The following NIPBL variants were observed in gnomAD, a reference collection of about 807,000 sequenced individuals.
NIPBL encodes NIPBL cohesin loading factor, also known as nipped-B-like protein.
NIPBL carries 19 observed loss-of-function variants against 321.8 expected under a neutral mutation model. The ratio of observed to expected loss-of-function variants is 0.06; its 90% CI spans 0.04 to 0.09. NIPBL has a LOEUF of 0.09. NIPBL is among the 10% of genes least tolerant of loss of function. The probability of loss-of-function intolerance (pLI) is 1.00; values close to 1 mark genes in which losing one functional copy is unlikely to be tolerated. For missense variants in NIPBL, 2,210 were observed against 3,327.0 expected, an observed-to-expected ratio of 0.66 and a Z score of 8.26; for synonymous variants, 1,106 against 1,114.1, an observed-to-expected ratio of 0.99 and a Z score of 0.14.
chr5:37,040,509 C>T (rs572407589), intron 34 of NIPBL, among the ~76,000 whole-genome samples: 12 of 152,250 alleles, frequency 7.9e-5, no homozygotes, highest in Admixed American at 4.6e-4. Context: ...TTGGTAATCT[C>T]ACATTACCTG....
In NIPBL at chr5:36,985,044, G is replaced by A; in HGVS notation, c.1864G>A (p.Glu622Lys). Residue 622 changes from glutamate to lysine, a missense_variant, in exon 10 of 47, where the codon GAA becomes AAA. By Grantham distance (56) the Glu-to-Lys change is moderately conservative. Transcript: ENST00000282516. Reference sequence around the variant, plus strand: ...GAAACAAAGTGAAAGTAGATTAGCAGAATCTAAACCAAATGAAAACCGATT... The same window carrying A: ...GAAACAAAGTGAAAGTAGATTAGCAAAATCTAAACCAAATGAAAACCGATT... The part of the protein sequence containing the change: ...EMKQSESRLA[E>K]SKPNENRLVE... The A allele has an allele frequency of 6.2e-7, 1 of 1,613,852 alleles. No homozygotes were observed. Among genetic ancestry groups the A allele is most frequent in the Non-Finnish European group, 8.5e-7 (1 of 1,179,946 alleles).
At chr5:36,933,453 T>G (rs1749931963) in intron 1 of NIPBL, among the ~76,000 whole-genome samples, 1 of 152,162 alleles carries the variant, frequency 6.6e-6, no homozygotes, top group African/African-American at 2.4e-5. Flanking sequence ...TGCTGACATC[T>G]GATGAGATAT....
chr5:36,892,452 G>T (rs944479645), intron 1 of NIPBL, among the ~76,000 whole-genome samples: 1 of 152,140 alleles, frequency 6.6e-6, no homozygotes, highest in East Asian at 1.9e-4. Context: ...ATACCCAAAG[G>T]ATTATAAATC....
At chr5:36,894,585 C>T (rs971661593) in intron 1 of NIPBL, among the ~76,000 whole-genome samples, 3 of 152,110 alleles carry the variant, frequency 2.0e-5, no homozygotes, top group Non-Finnish European at 4.4e-5. Flanking sequence ...AAAACATTTA[C>T]CTCCTTTTTT....
At chr5:36,932,767 A>G (rs1749866379) in intron 1 of NIPBL, among the ~76,000 whole-genome samples, 1 of 135,414 alleles carries the variant, frequency 7.4e-6, no homozygotes, top group African/African-American at 2.9e-5. Flanking sequence ...TACTATTTAA[A>G]TTCCTCTGCT....
At chr5:37,061,858 T>C (rs1443587656) in intron 45 of NIPBL, among the ~76,000 whole-genome samples, 1 of 152,228 alleles carries the variant, frequency 6.6e-6, no homozygotes, top group African/African-American at 2.4e-5. Context: ...TGTTTTGTTT[T>C]GAGACGGAGT....
Position 36,970,864 on chromosome 5 carries a change from TATTA to T in NIPBL, c.611-8_611-5del. The stretch of plus-strand genomic sequence containing the variant: ...CTTTTATTAAACCTTTTTTTATTCT[TATTA>T]ATTTCAGCATCGGTATCAAGTCCCA... On this transcript the variant is annotated splice_region_variant and splice_polypyrimidine_tract_variant and intron_variant, in intron 6 of 46. Transcript: ENST00000282516. The T allele has an allele frequency of 6.2e-7, 1 of 1,609,604 alleles. No homozygotes were observed. The highest frequency in any genetic ancestry group is 8.5e-7 in the Non-Finnish European group (1 of 1,176,208).
Position 37,028,104 on chromosome 5 carries a change from AG to A in NIPBL, c.5862+693del, listed in dbSNP as rs538118186. Reference sequence around the variant, plus strand: ...GTATGTTATGCATAGAATTTCCTTTAGTAGTACAGAGTCAAACCACAACTAG... The same window carrying A: ...GTATGTTATGCATAGAATTTCCTTTATAGTACAGAGTCAAACCACAACTAG... On this transcript the variant is annotated intron_variant, in intron 32 of 46. Coordinates refer to ENST00000282516, the MANE Select transcript of NIPBL (RefSeq NM_133433.4). Among the ~76,000 whole-genome samples, 114 of 152,188 alleles carry A rather than the reference AG, an allele frequency of 7.5e-4. No homozygotes were observed. In the Middle Eastern group the frequency reaches 0.017, roughly 23 times the overall value.
At chr5:36,998,537 C>A (rs971282823) in intron 11 of NIPBL, among the ~76,000 whole-genome samples, 2 of 152,004 alleles carry the variant, frequency 1.3e-5, no homozygotes, top group Non-Finnish European at 2.9e-5. Context: ...TAATTTCTGG[C>A]GCAGTAGCTC....
chr5:37,034,387 C>CAAATATATATACACACA (rs1167714442), intron 32 of NIPBL, among the ~76,000 whole-genome samples: 36 of 152,236 alleles, frequency 2.4e-4, no homozygotes, highest in African/African-American at 8.7e-4. Context: ...AATTCGACTT[C>CAAATATATATACACACA]AAATATATAT....
At chr5:36,960,312 G>T (rs1271403070) in intron 4 of NIPBL, among the ~76,000 whole-genome samples, 1 of 151,582 alleles carries the variant, frequency 6.6e-6, no homozygotes, top group South Asian at 2.1e-4. Context: ...GTTAATTCAG[G>T]GGGGAAAAGC....
rs1203852211 is a variant in NIPBL at position 37,000,385 on chromosome 5, G to A, written c.3317G>A (p.Arg1106Gln). The A allele has an allele frequency of 6.2e-7, 1 of 1,612,304 alleles. No homozygotes were observed. Among genetic ancestry groups the A allele is most frequent in the Non-Finnish European group, 8.5e-7 (1 of 1,179,056 alleles). Residue 1106 changes from arginine (R) to glutamine (Q), a missense_variant, in exon 12 of 47, where the codon CGA becomes CAA. Physicochemically the swap from Arg to Gln is conservative, Grantham distance 43. Transcript: ENST00000282516. The stretch of plus-strand genomic sequence containing the variant: ...GATTTGCTTCTAGCCTCTAGGAAAC[G>A]ACATAAAAAAGATGATGATAAAGCT... ...SDEAFESSRK[R>Q]HKKDDDKAWE...
chr5:36,956,868 AC>A lies in NIPBL; in HGVS notation c.231-1233del, dbSNP rs112024575. 2.5e-4 allele frequency among the ~76,000 whole-genome samples: 38 copies of A among 151,386 alleles called. 1 individual carries two copies. Among genetic ancestry groups the A allele is most frequent in the African/African-American group, 9.2e-4 (38 of 41,324 alleles). The stretch of plus-strand genomic sequence containing the variant: ...TCAAATTCCCGACTTCAGGTGATCC[AC>A]CCACCTCGGCCTCCCAAAGTGCTAG... On this transcript the variant is annotated intron_variant, in intron 3 of 46. Transcript: ENST00000282516.
Position 37,059,080 on chromosome 5 carries a change from A to G in NIPBL, c.7600A>G (p.Ile2534Val), listed in dbSNP as rs1754393317. The G allele has an allele frequency of 6.2e-7, 1 of 1,614,184 alleles. No homozygotes were observed. The highest frequency in any genetic ancestry group is 8.5e-7 in the Non-Finnish European group (1 of 1,180,004). The change falls in exon 44 of 47, where the codon ATC becomes GTC. Residue 2534 changes from isoleucine (I) to valine (V), a missense_variant. Coordinates refer to ENST00000282516, the MANE Select transcript of NIPBL (RefSeq NM_133433.4). ...KCLPENSAPL[I>V]EFANVSQGIL... The stretch of plus-strand genomic sequence containing the variant: ...TTTGCCAGAAAATTCAGCTCCTTTA[A>G]TCGAATTTGCAAATGTGTCCCAGGG...
intron 10 of NIPBL, among the ~76,000 whole-genome samples, chr5:36,993,844 A>T (rs1745828056): frequency 6.6e-6 from 1 of 152,116 alleles, no homozygotes; most frequent in South Asian, 2.1e-4. Flanking sequence ...ACTATCCAGG[A>T]AGTACATCTG....
chr5:36,975,737 A>C, intron 8 of NIPBL, 39 bp from the exon 9 acceptor site: 1 of 1,602,854 alleles, frequency 6.2e-7, no homozygotes, highest in Non-Finnish European at 8.5e-7. Flanking sequence ...AAAATGTGAA[A>C]CCACCACAAC....
chr5:36,886,597 T>A (rs765583936), intron 1 of NIPBL: 4 of 543,530 alleles, frequency 7.4e-6, no homozygotes, highest in Non-Finnish European at 1.3e-5. Context: ...AGTTATCTGA[T>A]GACTGAAATT....
intron 1 of NIPBL, among the ~76,000 whole-genome samples, chr5:36,923,333 C>CA (rs1749099107): frequency 6.6e-6 from 1 of 151,776 alleles, no homozygotes; most frequent in African/African-American, 2.4e-5. Flanking sequence ...CAAACAACAA[C>CA]AAAAAAATGC....
intron 1 of NIPBL, among the ~76,000 whole-genome samples, chr5:36,945,830 A>G (rs1276114676): frequency 1.3e-5 from 2 of 152,156 alleles, no homozygotes; most frequent in Admixed American, 1.3e-4. Context: ...CTGTTCTTGA[A>G]TAGCAGGCAG....
Sources: allele counts gnomAD v4.1 joint callset (sites outside exome capture counted in the v4.1 genomes callset), GRCh38; gene constraint gnomAD v4.1.1; transcripts MANE v1.5; gene names NCBI Gene and HGNC (gene_info 2026-07-23, HGNC 2026-07-21).